The following JAM3 variants were observed in gnomAD, a reference collection of about 807,000 sequenced individuals.
JAM3 encodes junctional adhesion molecule C.
Under a neutral mutation model 39.4 loss-of-function variants are expected in JAM3, and 31 were observed. The ratio of observed to expected loss-of-function variants is 0.79; its 90% confidence interval spans 0.59 to 1.06. The LOEUF is 1.06. Among genes scored for constraint, JAM3 ranks in the 50% least tolerant of loss-of-function variants. JAM3 has a pLI of 0.00. For synonymous variants in JAM3, 182 were observed against 148.7 expected, an observed-to-expected ratio of 1.22 and a Z score of -1.63; for missense variants, 455 against 391.4, an observed-to-expected ratio of 1.16 and a Z score of -1.37.
intron 1 of JAM3, among the ~76,000 whole-genome samples, chr11:134,136,439 C>T (rs1461693823): frequency 6.6e-6 from 1 of 152,160 alleles, no homozygotes; most frequent in South Asian, 2.1e-4. Flanking sequence ...CTCACACTAC[C>T]ATTCTTTTAT....
intron 1 of JAM3, among the ~76,000 whole-genome samples, chr11:134,082,567 G>A (rs920290294): frequency 2.6e-5 from 4 of 152,118 alleles, no homozygotes; most frequent in African/African-American, 9.7e-5. Context: ...GTTTCAAAAA[G>A]GGAAGTTTCC....
chr11:134,099,082 C>G (rs1214229120), intron 1 of JAM3, among the ~76,000 whole-genome samples: 2 of 152,028 alleles, frequency 1.3e-5, no homozygotes, highest in East Asian at 3.9e-4. Context: ...TGCCTGTAGT[C>G]CTTGTATGCT....
rs184459826 is a variant in JAM3, at chr11:134,094,538, C to G, written c.76+25379C>G. Among the ~76,000 whole-genome samples the G allele has an allele frequency of 5.3e-5, 8 of 150,702 alleles. No homozygotes were observed. In the East Asian group the frequency reaches 1.4e-3, roughly 26 times the overall value. ...ATTCATCATGTTCCACCTTACATGT[C>G]ACTTCCTGAGGGAAGCTTCTCCTGA... is the stretch of plus-strand genomic sequence containing the variant. On this transcript the variant is annotated intron_variant, in intron 1 of 8. Transcript: ENST00000299106.
At chr11:134,110,277 A>G (rs1473644246) in intron 1 of JAM3, among the ~76,000 whole-genome samples, 1 of 152,232 alleles carries the variant, frequency 6.6e-6, no homozygotes, top group Non-Finnish European at 1.5e-5. Context: ...AGATAGACCT[A>G]TTATTTGATT....
At chr11:134,081,908 T>G (rs470514) in intron 1 of JAM3, among the ~76,000 whole-genome samples, 60,056 of 152,116 alleles carry the variant, frequency 0.39, 12,924 homozygotes, top group African/African-American at 0.58. Flanking sequence ...CACAGGTGGG[T>G]AGCTGCCCAA....
intron 1 of JAM3, among the ~76,000 whole-genome samples, chr11:134,104,697 C>A (rs1942147733): frequency 6.6e-6 from 1 of 152,134 alleles, no homozygotes. Context: ...TACAGAAATA[C>A]AAACTACCAT....
intron 2 of JAM3, 99 bp from the exon 3 acceptor site, chr11:134,140,558 T>G (rs1387558303): frequency 1.0e-6 from 1 of 958,900 alleles, no homozygotes; most frequent in Non-Finnish European, 1.7e-6. Context: ...TTAATCTGCA[T>G]GAAAGGCCTC....
At chr11:134,105,462 C>T (rs956284291) in intron 1 of JAM3, among the ~76,000 whole-genome samples, 1 of 152,182 alleles carries the variant, frequency 6.6e-6, no homozygotes, top group African/African-American at 2.4e-5. Context: ...TGCCCTCTCT[C>T]ACCACTCCTA....
At chr11:134,137,343 C>T (rs1285262085) in intron 1 of JAM3, among the ~76,000 whole-genome samples, 1 of 152,178 alleles carries the variant, frequency 6.6e-6, no homozygotes, top group Non-Finnish European at 1.5e-5. Context: ...GTTACCAACT[C>T]TAGTATTTCC....
At chr11:134,114,129 C>T (rs970517401) in intron 1 of JAM3, among the ~76,000 whole-genome samples, 14 of 152,218 alleles carry the variant, frequency 9.2e-5, no homozygotes, top group Admixed American at 9.2e-4. Context: ...AAAATTTTCT[C>T]CCATTCTGTA....
chr11:134,145,892 C>A, intron 5 of JAM3, 54 bp from the exon 6 acceptor site: 2 of 1,241,720 alleles, frequency 1.6e-6, no homozygotes, highest in South Asian at 1.2e-5. Context: ...GCTGTGCTCT[C>A]AGAAATCGGC....
intron 5 of JAM3, 121 bp downstream of exon 5, chr11:134,145,115 A>T (rs1943047941): frequency 1.1e-5 from 9 of 838,338 alleles, no homozygotes; most frequent in Non-Finnish European, 1.8e-5. Context: ...TCAAAAATCT[A>T]GAATGTTAGG....
intron 1 of JAM3, among the ~76,000 whole-genome samples, chr11:134,112,908 A>C (rs535483433): frequency 6.6e-6 from 1 of 152,330 alleles, no homozygotes; most frequent in Non-Finnish European, 1.5e-5. Context: ...CTGAAGCCAC[A>C]GACCAAAGAG....
At chr11:134,135,593 A>C (rs1427344928) in intron 1 of JAM3, among the ~76,000 whole-genome samples, 2 of 149,488 alleles carry the variant, frequency 1.3e-5, no homozygotes, top group Non-Finnish European at 3.0e-5. Flanking sequence ...GCTGGAGTGC[A>C]GTGGCCTGAT....
intron 5 of JAM3, 106 bp from the exon 6 acceptor site, chr11:134,145,840 A>T: frequency 1.3e-6 from 1 of 790,866 alleles, no homozygotes; most frequent in South Asian, 1.4e-5. Context: ...GGGGAAGCTG[A>T]AAGCAAGCGA....
intron 1 of JAM3, among the ~76,000 whole-genome samples, chr11:134,116,423 G>A (rs1305440539): frequency 6.6e-6 from 1 of 152,008 alleles, no homozygotes; most frequent in Admixed American, 6.6e-5. Flanking sequence ...CATCATTTAT[G>A]CATATTAGTG....
rs138314986 is a variant in JAM3, at chr11:134,087,191, T to C, written c.76+18032T>C. 5.2e-3 allele frequency among the ~76,000 whole-genome samples: 797 copies of C among 152,058 alleles called. 8 individuals carry two copies. Among genetic ancestry groups the C allele is most frequent in the African/African-American group, 0.018 (752 of 41,490 alleles). ...GTCCTGAGATTATTGTGCCATGAAG[T>C]ATTACAATGAAGGAGATACACACAC... On this transcript the variant is annotated intron_variant, in intron 1 of 8. Transcript: ENST00000299106.
At chr11:134,135,778 C>T (rs1371424981) in intron 1 of JAM3, among the ~76,000 whole-genome samples, 4 of 151,950 alleles carry the variant, frequency 2.6e-5, no homozygotes, top group Non-Finnish European at 5.9e-5. Flanking sequence ...TAAATAAAAG[C>T]TGTTGAATGG....
At chr11:134,102,593 C>G (rs187138083) in intron 1 of JAM3, among the ~76,000 whole-genome samples, 1 of 152,072 alleles carries the variant, frequency 6.6e-6, no homozygotes, top group Non-Finnish European at 1.5e-5. Flanking sequence ...TCGAACCCAT[C>G]GCAAAGAAGC....
Sources: gnomAD v4.1 joint callset for allele counts (sites outside exome capture counted in the v4.1 genomes callset) on GRCh38, gnomAD v4.1.1 for gene constraint, MANE v1.5 for transcripts, NCBI Gene and HGNC (gene_info 2026-07-23, HGNC 2026-07-21) for gene names.